Variants in ZNF525 observed in about 807,000 individuals in gnomAD.
ZNF525 encodes zinc finger protein 525.
In ZNF525, 33 loss-of-function variants were observed where a neutral mutation model predicts 37.6. The ratio of observed to expected loss-of-function variants is 0.88; its 90% CI spans 0.67 to 1.17. ZNF525 has a LOEUF of 1.17. ZNF525 is among the 50% of genes most tolerant of loss of function. ZNF525 has a pLI of 0.00. For missense variants in ZNF525, 449 were observed against 543.1 expected (o/e 0.83, Z 1.72); for synonymous variants, 170 against 182.3 (o/e 0.93, Z 0.54).
chr19:53,369,940 G>T (rs938894060), intron 1 of ZNF525, among the ~76,000 whole-genome samples: 267 of 146,842 alleles, frequency 1.8e-3, no homozygotes, highest in Non-Finnish European at 3.2e-3. Flanking sequence ...TAGCCAGGAT[G>T]GTCTCGATCT....
At position 53,370,888 on chromosome 19, in the gene ZNF525, C is replaced by G. The variant is rs2085483465; in HGVS notation, c.-67-1327C>G. On this transcript the variant is annotated intron_variant, in intron 1 of 3. Transcript: ENST00000474037. Reference sequence around the variant, plus strand: ...AACTCCTCACTGTGGCTCCACAGCCCTGTGTCCAGGGCCCCTGCCAGTGTC... The same window carrying G: ...AACTCCTCACTGTGGCTCCACAGCCGTGTGTCCAGGGCCCCTGCCAGTGTC... Among the ~76,000 whole-genome samples the G allele has an allele frequency of 2.6e-5, 4 of 152,240 alleles. No homozygotes were observed. The South Asian group carries it at 8.3e-4, about 31-fold the overall frequency.
intron 1 of ZNF525, among the ~76,000 whole-genome samples, chr19:53,366,001 T>G (rs1480900886): frequency 1.3e-5 from 2 of 151,838 alleles, no homozygotes; most frequent in Non-Finnish European, 2.9e-5. Flanking sequence ...TATCGCGTAG[T>G]TTTCCTGCTC....
intron 3 of ZNF525, among the ~76,000 whole-genome samples, chr19:53,378,489 G>A (rs1270942881): frequency 1.3e-5 from 2 of 152,120 alleles, no homozygotes; most frequent in African/African-American, 2.4e-5. Context: ...GGAGAATCGT[G>A]CCACTACACT....
At chr19:53,368,384 T>G (rs2085462811) in intron 1 of ZNF525, among the ~76,000 whole-genome samples, 1 of 152,224 alleles carries the variant, frequency 6.6e-6, no homozygotes, top group Non-Finnish European at 1.5e-5. Context: ...ATTCTTCTAG[T>G]GACTCTGTAA....
In ZNF525 at chr19:53,365,776, C is replaced by G. The variant is rs2085438296; in HGVS notation, c.-68+17C>G. The G allele has an allele frequency of 5.8e-6, 1 of 173,516 alleles. No homozygotes were observed. The highest frequency in any genetic ancestry group is 2.4e-5 in the African/African-American group (1 of 41,942). 10.7% of individuals were successfully genotyped at this position (173,516 alleles called of 1,614,324 possible). On this transcript the variant is annotated intron_variant, in intron 1 of 3. Transcript: ENST00000474037. ...CAGCGGCGCGTGAGTTTCGCTCCATCTTGTATGAAGTCTGCTCTTCCCAGG... is the reference window on the plus strand; with the variant it reads ...CAGCGGCGCGTGAGTTTCGCTCCATGTTGTATGAAGTCTGCTCTTCCCAGG...
At chr19:53,367,326 A>G (rs1190944346) in intron 1 of ZNF525, among the ~76,000 whole-genome samples, 1 of 143,010 alleles carries the variant, frequency 7.0e-6, no homozygotes, top group Admixed American at 6.8e-5. Context: ...TTTTTTTTTA[A>G]ATTTCTGCTT....
At chr19:53,366,838 AG>A (rs59276029) in intron 1 of ZNF525, among the ~76,000 whole-genome samples, 34,007 of 150,220 alleles carry the variant, frequency 0.23, 4,237 homozygotes, top group African/African-American at 0.39. Context: ...CGGGGAGAGC[AG>A]AGGAGGCGCA....
rs775620864 is a variant in ZNF525, at chr19:53,372,243, G to A, written c.-39G>A. On this transcript the variant is annotated 5_prime_UTR_variant, in exon 2 of 4. It removes an upstream start codon present in the reference 5' UTR. Transcript: ENST00000474037. ...TGACATCTAAAGACTCTTGGTACAT[G>A]AGGAAGAAACCCGGAAAAGGAAAGC... is the stretch of plus-strand genomic sequence containing the variant. 2.7e-6 allele frequency: 2 copies of A among 740,164 alleles called. No individual in the cohort carries two copies. Among genetic ancestry groups the A allele is most frequent in the Admixed American group, 2.0e-5 (1 of 51,058 alleles). 45.8% of individuals were successfully genotyped at this position (740,164 alleles called of 1,614,324 possible). A position where few individuals can be genotyped will look rare whatever the true frequency, so the allele number is the denominator to read the frequency against.
Position 53,383,104 on chromosome 19 carries a change from A to G in ZNF525, c.*1085A>G. On this transcript the variant is annotated 3_prime_UTR_variant, in exon 4 of 4. Coordinates refer to ENST00000474037, the MANE Select transcript of ZNF525 (RefSeq NM_001348156.2). ...AATGTGGCGAGGTTTTTAATCAACAAGCACACCTTGCACGTCATCATAGAA... is the reference window on the plus strand; with the variant it reads ...AATGTGGCGAGGTTTTTAATCAACAGGCACACCTTGCACGTCATCATAGAA... 1 of 1,348,640 alleles carries G rather than the reference A, an allele frequency of 7.4e-7. No individual in the cohort carries two copies. The highest frequency in any genetic ancestry group is 1.2e-5 in the South Asian group (1 of 85,974). 83.5% of individuals were successfully genotyped at this position (1,348,640 alleles called of 1,614,324 possible). A position where few individuals can be genotyped will look rare whatever the true frequency, so the allele number is the denominator to read the frequency against.
Position 53,383,048 on chromosome 19 carries a change from C to T in ZNF525, c.*1029C>T. The T allele has an allele frequency of 1.4e-6, 2 of 1,449,406 alleles. No individual in the cohort carries two copies. The highest frequency in any genetic ancestry group is 1.9e-6 in the Non-Finnish European group (2 of 1,040,198). The allele number at this position is 1,449,406 out of a possible 1,614,324, so 89.8% of individuals were successfully genotyped here. A position where few individuals can be genotyped will look rare whatever the true frequency, so the allele number is the denominator to read the frequency against. On this transcript the variant is annotated 3_prime_UTR_variant, in exon 4 of 4. Transcript: ENST00000474037. Reference sequence around the variant, plus strand: ...AAAGCTTGCATGTCATCATAGACTTCATACTGGAGAGAACGCTTGCAAGTG... The same window carrying T: ...AAAGCTTGCATGTCATCATAGACTTTATACTGGAGAGAACGCTTGCAAGTG...
chr19:53,383,154 A>C lies in ZNF525; in HGVS notation c.*1135A>C. 2.3e-6 allele frequency: 3 copies of C among 1,314,482 alleles called. No individual in the cohort carries two copies. Among genetic ancestry groups the C allele is most frequent in the Non-Finnish European group, 3.2e-6 (3 of 928,308 alleles). The allele number at this position is 1,314,482 out of a possible 1,614,324, so 81.4% of individuals were successfully genotyped here. ...ACTCATACTGGAGAGAAACATTACA[A>C]GTGTAATGAGTGTGGCAAGACCTAC... is the stretch of plus-strand genomic sequence containing the variant. On this transcript the variant is annotated 3_prime_UTR_variant, in exon 4 of 4. Coordinates refer to ENST00000474037, the MANE Select transcript of ZNF525 (RefSeq NM_001348156.2).
rs1302285792 is a variant in ZNF525 at position 53,384,938 on chromosome 19, T to C, written c.*2919T>C. 7.1e-6 allele frequency: 5 copies of C among 700,576 alleles called. No homozygotes were observed. In the East Asian group the frequency reaches 1.1e-4, roughly 15 times the overall value. The allele number at this position is 700,576 out of a possible 1,614,324, so 43.4% of individuals were successfully genotyped here. A position where few individuals can be genotyped will look rare whatever the true frequency, so the allele number is the denominator to read the frequency against. On this transcript the variant is annotated 3_prime_UTR_variant, in exon 4 of 4. Transcript: ENST00000474037. ...CATTTCATGGATGTTCTTTCTATTG[T>C]TGAGGTAAATTTCCTTTTCTATTTT...
chr19:53,374,523 G>A (rs991379320), intron 2 of ZNF525, among the ~76,000 whole-genome samples: 7 of 152,178 alleles, frequency 4.6e-5, no homozygotes, highest in Admixed American at 4.6e-4. Context: ...GCTTCTTCTA[G>A]GATGGGGCAT....
rs778946139 is a variant in ZNF525 at position 53,375,940 on chromosome 19, A to G, written c.142+44A>G. 2.5e-5 allele frequency: 41 copies of G among 1,611,370 alleles called. No homozygotes were observed. The African/African-American group carries it at 5.2e-4, about 21-fold the overall frequency. On this transcript the variant is annotated intron_variant, in intron 3 of 3. Transcript: ENST00000474037. ...CAGAAGTGGGGATGTGTCCTTTCGT[A>G]TCTTTGTATTTTCTCTTTTTTTAGA...
intron 2 of ZNF525, among the ~76,000 whole-genome samples, chr19:53,374,984 C>T (rs571033161): frequency 6.6e-6 from 1 of 152,202 alleles, no homozygotes; most frequent in African/African-American, 2.4e-5. Context: ...AAGCCATCCT[C>T]CTCCGTCAGG....
At position 53,385,091 on chromosome 19, in the gene ZNF525, T is replaced by C. The variant is rs2085595687; in HGVS notation, c.*3072T>C. 3.5e-6 allele frequency: 2 copies of C among 572,420 alleles called. No homozygotes were observed. The allele number at this position is 572,420 out of a possible 1,614,324, so 35.5% of individuals were successfully genotyped here. Reference sequence around the variant, plus strand: ...TATAACATTGATTTGCTTGAATATGTTGAACCATCCTTGCATCCCAGAAAT... The same window carrying C: ...TATAACATTGATTTGCTTGAATATGCTGAACCATCCTTGCATCCCAGAAAT... On this transcript the variant is annotated 3_prime_UTR_variant, in exon 4 of 4. Transcript: ENST00000474037.
chr19:53,379,194 C>A (rs565859753), intron 3 of ZNF525, among the ~76,000 whole-genome samples: 1 of 152,158 alleles, frequency 6.6e-6, no homozygotes, highest in Non-Finnish European at 1.5e-5. Flanking sequence ...TGGCTCACCA[C>A]AAACTCTACC....
chr19:53,386,039 C>A lies in ZNF525; in HGVS notation c.*4020C>A. 2 of 293,300 alleles carry A rather than the reference C, an allele frequency of 6.8e-6. No individual in the cohort carries two copies. The highest frequency in any genetic ancestry group is 2.2e-5 in the African/African-American group (1 of 45,202). The allele number at this position is 293,300 out of a possible 1,614,324, so 18.2% of individuals were successfully genotyped here. ...AGCATGGTGGCATGCGCCTGTAATC[C>A]CAGCTACTCAGGAGGCTGAGGCAGG... On this transcript the variant is annotated 3_prime_UTR_variant, in exon 4 of 4. Coordinates refer to ENST00000474037, the MANE Select transcript of ZNF525 (RefSeq NM_001348156.2).
chr19:53,365,744 G>T lies in ZNF525; in HGVS notation c.-83G>T. The T allele has an allele frequency of 1.1e-5, 2 of 183,314 alleles. No homozygotes were observed. The highest frequency in any genetic ancestry group is 2.4e-5 in the African/African-American group (1 of 42,336). 11.4% of individuals were successfully genotyped at this position (183,314 alleles called of 1,614,324 possible). A position where few individuals can be genotyped will look rare whatever the true frequency, so the allele number is the denominator to read the frequency against. On this transcript the variant is annotated 5_prime_UTR_variant, in exon 1 of 4. In the 5' UTR this introduces an upstream ATG that the reference lacks. Coordinates refer to ENST00000474037, the MANE Select transcript of ZNF525 (RefSeq NM_001348156.2). Reference sequence around the variant, plus strand: ...CCGGAAGCAGATCGCGTGGAGTGAAGGTCCCTCAGCGGCGCGTGAGTTTCG... The same window carrying T: ...CCGGAAGCAGATCGCGTGGAGTGAATGTCCCTCAGCGGCGCGTGAGTTTCG...
Sources: allele counts gnomAD v4.1 joint callset (sites outside exome capture counted in the v4.1 genomes callset), GRCh38; gene constraint gnomAD v4.1.1; transcripts MANE v1.5; gene names NCBI Gene and HGNC (gene_info 2026-07-23, HGNC 2026-07-21).